ACBD6: variants seen among roughly 807,000 people sequenced by gnomAD.
ACBD6 encodes the protein acyl-CoA binding domain containing 6.
In ACBD6, 28 loss-of-function variants were observed where a neutral mutation model predicts 37.2. That is an observed-to-expected ratio of 0.75 (90% CI 0.56 to 1.03). The LOEUF (loss-of-function observed/expected upper bound fraction) is 1.03, where lower values mean the gene tolerates loss of function less well. Ranked by LOEUF, ACBD6 falls within the 50% of genes least tolerant of loss-of-function variation. The pLI, the probability that ACBD6 is intolerant of heterozygous loss-of-function variation, is 0.00. For missense variants in ACBD6, 340 were observed against 337.4 expected, an observed-to-expected ratio of 1.01 and a Z score of -0.06; for synonymous variants, 113 against 126.8, an observed-to-expected ratio of 0.89 and a Z score of 0.73.
chr1:180,418,529 T>C (rs1648196654), intron 4 of ACBD6, among the ~76,000 whole-genome samples: 1 of 151,658 alleles, frequency 6.6e-6, no homozygotes, highest in African/African-American at 2.4e-5. Context: ...CAGTGAGCTA[T>C]AATCACACCA....
At chr1:180,490,615 GATAAAA>G (rs1651455489) in intron 3 of ACBD6, among the ~76,000 whole-genome samples, 1 of 151,386 alleles carries the variant, frequency 6.6e-6, no homozygotes, top group African/African-American at 2.4e-5. Context: ...CTCTACTAAA[GATAAAA>G]ATAAAAATAA....
At chr1:180,423,745 T>A (rs1486792999) in intron 4 of ACBD6, among the ~76,000 whole-genome samples, 1 of 152,136 alleles carries the variant, frequency 6.6e-6, no homozygotes, top group African/African-American at 2.4e-5. Flanking sequence ...TTAAACAAAC[T>A]TGACTGAAAA....
At chr1:180,450,985 G>A (rs1031793039) in intron 3 of ACBD6, among the ~76,000 whole-genome samples, 5 of 152,100 alleles carry the variant, frequency 3.3e-5, no homozygotes, top group African/African-American at 9.7e-5. Flanking sequence ...TTCATTAAGA[G>A]TCTTCCAATA....
At chr1:180,348,937 T>C (rs1047873349) in intron 6 of ACBD6, among the ~76,000 whole-genome samples, 2 of 152,188 alleles carry the variant, frequency 1.3e-5, no homozygotes, top group Non-Finnish European at 2.9e-5. Flanking sequence ...TTCTCTCAGG[T>C]TAATAGGACA....
At chr1:180,397,484 A>T in intron 6 of ACBD6, 32 bp downstream of exon 6, 1 of 1,569,532 alleles carries the variant, frequency 6.4e-7, no homozygotes, top group East Asian at 2.2e-5. Flanking sequence ...ACTTCAATTT[A>T]AAAAATAAAA....
In ACBD6 at chr1:180,363,092, T is replaced by G. The variant is rs1410800613; in HGVS notation, c.663+34424A>C. ...CAAAAATTTAACATGTAGGTCCTTTTTCTCTGGTGTTCATAACTTTCCTCA... is the reference window on the plus strand; with the variant it reads ...CAAAAATTTAACATGTAGGTCCTTTGTCTCTGGTGTTCATAACTTTCCTCA... On this transcript the variant is annotated intron_variant, in intron 6 of 7. Coordinates refer to ENST00000367595, the MANE Select transcript of ACBD6 (RefSeq NM_032360.4). 2.6e-5 allele frequency among the ~76,000 whole-genome samples: 4 copies of G among 152,216 alleles called. No individual in the cohort carries two copies. In the East Asian group the frequency reaches 7.7e-4, roughly 29 times the overall value.
At chr1:180,427,182 G>A (rs910111918) in intron 4 of ACBD6, among the ~76,000 whole-genome samples, 19 of 152,228 alleles carry the variant, frequency 1.2e-4, no homozygotes, top group African/African-American at 4.6e-4. Context: ...CACAACAATG[G>A]AACCCAAACT....
At chr1:180,489,441 G>T (rs1001541340) in intron 3 of ACBD6, among the ~76,000 whole-genome samples, 5 of 150,958 alleles carry the variant, frequency 3.3e-5, no homozygotes, top group Non-Finnish European at 7.4e-5. Flanking sequence ...GGATTCCAAT[G>T]TTAAAATACT....
chr1:180,443,979 T>C (rs1192344307), intron 3 of ACBD6, among the ~76,000 whole-genome samples: 2 of 151,944 alleles, frequency 1.3e-5, no homozygotes, highest in African/African-American at 4.8e-5. Flanking sequence ...AAAATTACTG[T>C]TTCATCCAGA....
At chr1:180,270,832 G>A (rs1007026833) in exon 14 of ACBD6, 5 of 187,628 alleles carry the variant, frequency 2.7e-5, no homozygotes, top group Admixed American at 2.1e-4. Context: ...AGTGGGTTCT[G>A]ACCTATAGTT....
At chr1:180,485,752 C>T (rs966826972) in intron 3 of ACBD6, among the ~76,000 whole-genome samples, 7 of 152,102 alleles carry the variant, frequency 4.6e-5, no homozygotes, top group Non-Finnish European at 1.5e-5. Flanking sequence ...CTGCTTGAAA[C>T]GTCTTGTGCC....
intron 2 of ACBD6, among the ~76,000 whole-genome samples, chr1:180,495,166 G>C (rs773704308): frequency 6.6e-6 from 1 of 152,122 alleles, no homozygotes; most frequent in East Asian, 1.9e-4. Context: ...ATCCATTAGG[G>C]GTTGAATGAC....
chr1:180,465,303 T>TTA (rs1650304755), intron 3 of ACBD6, among the ~76,000 whole-genome samples: 1 of 152,002 alleles, frequency 6.6e-6, no homozygotes, highest in African/African-American at 2.4e-5. Flanking sequence ...TATAAGGAAC[T>TTA]TAAACAGATC....
intron 3 of ACBD6, among the ~76,000 whole-genome samples, chr1:180,439,589 CAA>C (rs113267124): frequency 6.1e-5 from 8 of 132,130 alleles, no homozygotes; most frequent in South Asian, 2.4e-4. Flanking sequence ...GACTCCGTCT[CAA>C]AAAAAAAAAA....
At chr1:180,382,984 T>C (rs1653715117) in intron 6 of ACBD6, among the ~76,000 whole-genome samples, 1 of 152,184 alleles carries the variant, frequency 6.6e-6, no homozygotes, top group African/African-American at 2.4e-5. Context: ...AAGCATTTGA[T>C]AGAATTCAAC....
chr1:180,348,814 C>T (rs1652291054), intron 6 of ACBD6, among the ~76,000 whole-genome samples: 1 of 152,116 alleles, frequency 6.6e-6, no homozygotes. Context: ...GCCTTCTAAA[C>T]CTTTATTTTC....
At chr1:180,317,818 A>T (rs1015276765) in intron 6 of ACBD6, among the ~76,000 whole-genome samples, 3 of 152,128 alleles carry the variant, frequency 2.0e-5, no homozygotes, top group Non-Finnish European at 2.9e-5. Context: ...TCATGAACCA[A>T]GCCTTGCTCA....
At chr1:180,445,712 C>T (rs1233142911) in intron 3 of ACBD6, among the ~76,000 whole-genome samples, 4 of 151,862 alleles carry the variant, frequency 2.6e-5, no homozygotes, top group Non-Finnish European at 5.9e-5. Flanking sequence ...ATCACTTGAG[C>T]TCAGGAGTTC....
intron 6 of ACBD6, among the ~76,000 whole-genome samples, chr1:180,369,516 T>C (rs1413877067): frequency 6.6e-6 from 1 of 152,236 alleles, no homozygotes; most frequent in African/African-American, 2.4e-5. Context: ...GAGAGATGAT[T>C]ATCGTATACC....
Sources: allele counts gnomAD v4.1 joint callset (sites outside exome capture counted in the v4.1 genomes callset), GRCh38; gene constraint gnomAD v4.1.1; transcripts MANE v1.5; gene names NCBI Gene and HGNC (gene_info 2026-07-23, HGNC 2026-07-21).